PMPCB: variants seen among roughly 807,000 people sequenced by gnomAD.
The protein encoded by PMPCB is peptidase, mitochondrial processing subunit beta.
PMPCB carries 46 observed loss-of-function variants against 61.5 expected under a neutral mutation model. The ratio of observed to expected loss-of-function variants is 0.75; its 90% CI spans 0.59 to 0.96. The LOEUF (loss-of-function observed/expected upper bound fraction) is 0.96. PMPCB is among the 40% of genes least tolerant of loss of function. PMPCB has a pLI of 0.00. For synonymous variants in PMPCB, 191 were observed against 201.6 expected, an observed-to-expected ratio of 0.95 and a Z score of 0.44; for missense variants, 590 against 602.4, an observed-to-expected ratio of 0.98 and a Z score of 0.22.
chr7:103,325,749 A>G (rs530073727), intron 12 of PMPCB, among the ~76,000 whole-genome samples: 14 of 96,416 alleles, frequency 1.5e-4, no homozygotes, highest in African/African-American at 9.7e-4. Flanking sequence ...TTGGTACATA[A>G]CTATTTTAAA....
the PMPCB span, among the ~76,000 whole-genome samples, chr7:103,339,470 G>C: frequency 1.3e-5 from 2 of 152,136 alleles, no homozygotes; most frequent in Non-Finnish European, 2.9e-5. Flanking sequence ...CTTTGAAAGA[G>C]TACTTTACAC....
the PMPCB span, among the ~76,000 whole-genome samples, chr7:103,346,289 C>G: frequency 1.3e-5 from 2 of 152,084 alleles, no homozygotes; most frequent in Non-Finnish European, 2.9e-5. Context: ...CGTGCCACCA[C>G]GCCCAGCTAA....
At chr7:103,319,761 C>T in intron 12 of PMPCB, 1 of 1,614,198 alleles carries the variant, frequency 6.2e-7, no homozygotes, top group Non-Finnish European at 8.5e-7. Context: ...TATACCTTGC[C>T]AGTTCAAGCC....
intron 4 of PMPCB, among the ~76,000 whole-genome samples, chr7:103,302,923 T>TAATCGTATTA (rs1474297484): frequency 6.6e-6 from 1 of 152,122 alleles, no homozygotes; most frequent in Non-Finnish European, 1.5e-5. Flanking sequence ...TTTATAACAT[T>TAATCGTATTA]AATCGTATTA....
chr7:103,298,936 A>G (rs1817371013), intron 2 of PMPCB, among the ~76,000 whole-genome samples: 1 of 152,166 alleles, frequency 6.6e-6, no homozygotes, highest in Non-Finnish European at 1.5e-5. Context: ...CTTATTATTG[A>G]TTATTTATTT....
chr7:103,304,135 T>C, intron 5 of PMPCB, 95 bp downstream of exon 5: 6 of 1,010,330 alleles, frequency 5.9e-6, no homozygotes, highest in Non-Finnish European at 8.9e-6. Context: ...CAGAAAGTAA[T>C]TTTCCCCCTG....
chr7:103,331,798 G>C (rs1818984607), downstream of PMPCB, among the ~76,000 whole-genome samples: 1 of 152,114 alleles, frequency 6.6e-6, no homozygotes, highest in Admixed American at 6.5e-5. Context: ...ATTATAAACA[G>C]AGCCACAATA....
intron 12 of PMPCB, chr7:103,324,414 T>C: frequency 1.5e-6 from 2 of 1,335,326 alleles, no homozygotes; most frequent in Non-Finnish European, 2.0e-6. Flanking sequence ...TTATAAACAA[T>C]CAAGTACTTA....
At chr7:103,327,310 CATCATTA>C in intron 12 of PMPCB, 1 of 1,227,846 alleles carries the variant, frequency 8.1e-7, no homozygotes, top group Non-Finnish European at 1.1e-6. Context: ...TTAGTATTCT[CATCATTA>C]AATAGAACAC....
intron 4 of PMPCB, among the ~76,000 whole-genome samples, chr7:103,303,242 G>A (rs1319563946): frequency 1.3e-5 from 2 of 152,102 alleles, no homozygotes; most frequent in Non-Finnish European, 2.9e-5. Flanking sequence ...TCAGCCTCCC[G>A]AGTAGCAGGG....
At chr7:103,317,724 T>C (rs1267268712), downstream of PMPCB, among the ~76,000 whole-genome samples, 1 of 152,126 alleles carries the variant, frequency 6.6e-6, no homozygotes, top group East Asian at 1.9e-4. Context: ...GATTTCTGCT[T>C]ACTGCAACCT....
Position 103,310,335 on chromosome 7 carries a change from C to G in PMPCB, c.1014C>G (p.Ala338=), listed in dbSNP as rs1817702630. ...GGGMNLSSKL[A]QLTCHGNLCH... is the part of the protein sequence containing the mutation. ...TGCAGAATTTATCTAGCAAGCTGGC[C>G]CAGCTCACTTGTCATGGCAATCTTT... Residue 338 remains alanine (A), a synonymous_variant, in exon 9 of 13, where the codon GCC becomes GCG. Coordinates refer to ENST00000249269, the MANE Select transcript of PMPCB (RefSeq NM_004279.3). The G allele has an allele frequency of 6.2e-7, 1 of 1,613,154 alleles. No individual in the cohort carries two copies. The highest frequency in any genetic ancestry group is 1.7e-5 in the Admixed American group (1 of 59,832).
In PMPCB at chr7:103,298,606, G is replaced by A. The variant is rs1817359380; in HGVS notation, c.138G>A (p.Gln46=). 3 of 1,613,864 alleles carry A rather than the reference G, an allele frequency of 1.9e-6. No homozygotes were observed. The African/African-American group carries it at 4.0e-5, about 22-fold the overall frequency. ...GAGAGAACAGATTAAGAAGTACACA[G>A]GCTGCTACCCAAGTTGTTCTGAATG... The part of the protein sequence containing the change: ...YFGENRLRST[Q]AATQVVLNVP... The change falls in exon 2 of 13, where the codon CAG becomes CAA. Residue 46 remains glutamine (Q), a synonymous_variant. Transcript: ENST00000249269.
At chr7:103,307,955 C>A (rs1021220038) in intron 7 of PMPCB, among the ~76,000 whole-genome samples, 6 of 152,198 alleles carry the variant, frequency 3.9e-5, no homozygotes, top group Non-Finnish European at 2.9e-5. Flanking sequence ...TGAAAGGAAG[C>A]AAAGTTTTTA....
chr7:103,344,636 C>G, the PMPCB span: 1 of 1,607,336 alleles, frequency 6.2e-7, no homozygotes, highest in Non-Finnish European at 8.5e-7. Flanking sequence ...GGCGCCGGGT[C>G]TAGCCCGGTG....
At position 103,300,223 on chromosome 7, in the gene PMPCB, A is replaced by G. The variant is rs764318915; in HGVS notation, c.373A>G (p.Asn125Asp). Residue 125 changes from asparagine (N) to aspartate (D), a missense_variant, in exon 4 of 13, where the codon AAT becomes GAT. Physicochemically the swap from Asn to Asp is conservative, Grantham distance 23 (BLOSUM62 1). Coordinates refer to ENST00000249269, the MANE Select transcript of PMPCB (RefSeq NM_004279.3). Reference protein sequence around the residue: ...SQLDLELEIENMGAHLNAYTS... With the variant: ...SQLDLELEIEDMGAHLNAYTS... ...GTTAGATCTGGAACTTGAGATTGAA[A>G]ATATGGGTGCTCATCTCAATGCCTA... The G allele has an allele frequency of 3.1e-6, 5 of 1,612,858 alleles. No homozygotes were observed. Among genetic ancestry groups the G allele is most frequent in the Non-Finnish European group, 4.2e-6 (5 of 1,178,942 alleles).
the PMPCB span, among the ~76,000 whole-genome samples, chr7:103,346,781 C>T: frequency 2.0e-5 from 3 of 151,618 alleles, no homozygotes; most frequent in Non-Finnish European, 4.4e-5. Flanking sequence ...TGTGTTGTAG[C>T]TTATACTAGA....
chr7:103,321,702 A>G (rs1818425559), intron 12 of PMPCB, among the ~76,000 whole-genome samples: 1 of 152,138 alleles, frequency 6.6e-6, no homozygotes, highest in Admixed American at 6.5e-5. Context: ...ACAAAAAATT[A>G]GCCAGGCGTG....
At chr7:103,343,188 A>G in the PMPCB span, among the ~76,000 whole-genome samples, 1 of 151,910 alleles carries the variant, frequency 6.6e-6, no homozygotes, top group African/African-American at 2.4e-5. Flanking sequence ...TTTAGTAGAG[A>G]CAGGGTTTCA....
Sources: gnomAD v4.1 joint callset for allele counts (sites outside exome capture counted in the v4.1 genomes callset) on GRCh38, gnomAD v4.1.1 for gene constraint, MANE v1.5 for transcripts, NCBI Gene and HGNC (gene_info 2026-07-23, HGNC 2026-07-21) for gene names.